The following DAAM1 variants were observed in gnomAD, a reference collection of about 807,000 sequenced individuals.
DAAM1 encodes the protein disheveled-associated activator of morphogenesis 1.
DAAM1 carries 52 observed loss-of-function variants against 130.0 expected under a neutral mutation model. That is an observed-to-expected ratio of 0.40 (90% confidence interval 0.32 to 0.50). DAAM1 has a LOEUF of 0.50. DAAM1 is among the 20% of genes least tolerant of loss of function. The probability of loss-of-function intolerance (pLI) is 0.61; values close to 1 mark genes in which losing one functional copy is unlikely to be tolerated. For missense variants in DAAM1, 1,134 were observed against 1,303.8 expected (o/e 0.87, Z 2.01); for synonymous variants, 452 against 444.5 (o/e 1.02, Z -0.21).
chr14:59,281,703 T>C (rs1883228539), intron 2 of DAAM1, among the ~76,000 whole-genome samples: 1 of 152,214 alleles, frequency 6.6e-6, no homozygotes, highest in African/African-American at 2.4e-5. Flanking sequence ...AATCAGGATC[T>C]GTTATTCATC....
At position 59,323,057 on chromosome 14, in the gene DAAM1, T is replaced by C; in HGVS notation, c.606T>C (p.Ser202=). 1 of 1,614,032 alleles carries C rather than the reference T, an allele frequency of 6.2e-7. No homozygotes were observed. The highest frequency in any genetic ancestry group is 1.3e-5 in the African/African-American group (1 of 75,012). Residue 202 remains serine (S), a synonymous_variant, in exon 6 of 25, where the codon TCT becomes TCC. Coordinates refer to ENST00000360909, the MANE Select transcript of DAAM1 (RefSeq NM_001270520.2). ...SQGRAHVLAH[S]ESINVIAQSL... ...GCCGGGCTCACGTCCTGGCTCATTCTGAGAGTATTAATGTAATTGCTCAGA... is the reference window on the plus strand; with the variant it reads ...GCCGGGCTCACGTCCTGGCTCATTCCGAGAGTATTAATGTAATTGCTCAGA...
intron 1 of DAAM1, among the ~76,000 whole-genome samples, chr14:59,196,359 A>G (rs1163484441): frequency 6.6e-6 from 1 of 152,264 alleles, no homozygotes; most frequent in Non-Finnish European, 1.5e-5. Context: ...AAGCAGGGAA[A>G]TGTTTAGACA....
chr14:59,363,677 C>G lies in DAAM1; in HGVS notation c.2721C>G (p.Pro907=), dbSNP rs1886800770. 1.2e-6 allele frequency: 2 copies of G among 1,613,906 alleles called. No individual in the cohort carries two copies. The highest frequency in any genetic ancestry group is 2.7e-5 in the African/African-American group (2 of 74,894). ...AGCTGGAATATCAGAAGTCTCAGCCCCCACAGCCCGGAGATAAGTTTGTGT... is the reference window on the plus strand; with the variant it reads ...AGCTGGAATATCAGAAGTCTCAGCCGCCACAGCCCGGAGATAAGTTTGTGT... The part of the protein sequence containing the change: ...ETELEYQKSQ[P]PQPGDKFVSV... The change falls in exon 23 of 25, where the codon CCC becomes CCG. Residue 907 remains proline, a synonymous_variant. Coordinates refer to ENST00000360909, the MANE Select transcript of DAAM1 (RefSeq NM_001270520.2).
At chr14:59,315,041 C>T (rs945649356) in intron 3 of DAAM1, among the ~76,000 whole-genome samples, 1 of 152,122 alleles carries the variant, frequency 6.6e-6, no homozygotes, top group Non-Finnish European at 1.5e-5. Flanking sequence ...GAAAATGTCC[C>T]CTTGTTATAC....
At chr14:59,210,055 T>G (rs1343144363) in intron 1 of DAAM1, among the ~76,000 whole-genome samples, 1 of 152,070 alleles carries the variant, frequency 6.6e-6, no homozygotes, top group Non-Finnish European at 1.5e-5. Flanking sequence ...GGTGGGAGGA[T>G]TGCTTGCGCC....
At chr14:59,329,628 A>G (rs1190626060) in intron 12 of DAAM1, among the ~76,000 whole-genome samples, 1 of 152,200 alleles carries the variant, frequency 6.6e-6, no homozygotes. Flanking sequence ...GGGGACATGT[A>G]TTTGAAATAA....
At chr14:59,236,147 T>C (rs1889289267) in intron 1 of DAAM1, among the ~76,000 whole-genome samples, 1 of 152,164 alleles carries the variant, frequency 6.6e-6, no homozygotes, top group Admixed American at 6.5e-5. Context: ...CTCTTTAGTA[T>C]GAAGTGTCAT....
At chr14:59,234,479 A>G (rs1223496520) in intron 1 of DAAM1, among the ~76,000 whole-genome samples, 1 of 152,138 alleles carries the variant, frequency 6.6e-6, no homozygotes, top group African/African-American at 2.4e-5. Context: ...TTGATTTTGT[A>G]TCCTGAGACT....
chr14:59,263,366 T>G, intron 1 of DAAM1, 75 bp from the exon 2 acceptor site: 92 of 1,304,562 alleles, frequency 7.1e-5, no homozygotes, highest in Middle Eastern at 1.9e-4. Context: ...AGCTCTTTCT[T>G]GAGTTGGTCT....
At chr14:59,287,627 C>A (rs1883521264) in intron 2 of DAAM1, among the ~76,000 whole-genome samples, 1 of 152,052 alleles carries the variant, frequency 6.6e-6, no homozygotes, top group African/African-American at 2.4e-5. Flanking sequence ...TTTTTATACA[C>A]CAATAACATT....
intron 21 of DAAM1, 122 bp downstream of exon 21, chr14:59,359,626 T>C (rs1283214441): frequency 1.5e-6 from 1 of 687,324 alleles, no homozygotes; most frequent in East Asian, 2.8e-5. Flanking sequence ...TTGTATGAAA[T>C]AAAGTTTGAA....
intron 1 of DAAM1, among the ~76,000 whole-genome samples, chr14:59,219,379 A>G (rs897420294): frequency 6.6e-6 from 1 of 152,130 alleles, no homozygotes; most frequent in Non-Finnish European, 1.5e-5. Context: ...CTTGTGCATA[A>G]ACCTCTGGGG....
chr14:59,352,688 G>A, intron 18 of DAAM1, 56 bp downstream of exon 18: 1 of 1,474,176 alleles, frequency 6.8e-7, no homozygotes, highest in African/African-American at 1.4e-5. Flanking sequence ...TAAGCTTCAT[G>A]AATTTTCAAT....
At chr14:59,214,102 T>G (rs948250469) in intron 1 of DAAM1, among the ~76,000 whole-genome samples, 21 of 152,260 alleles carry the variant, frequency 1.4e-4, no homozygotes, top group African/African-American at 4.6e-4. Context: ...AAGTTCACTG[T>G]GATTCCGAGG....
chr14:59,331,082 C>G, intron 13 of DAAM1, 127 bp from the exon 14 acceptor site: 1 of 1,468,662 alleles, frequency 6.8e-7, no homozygotes, highest in Non-Finnish European at 9.1e-7. Flanking sequence ...TTTACCGATC[C>G]TTTAAACATT....
intron 3 of DAAM1, among the ~76,000 whole-genome samples, chr14:59,296,798 G>T (rs559349225): frequency 1.3e-5 from 2 of 152,264 alleles, no homozygotes; most frequent in East Asian, 3.9e-4. Context: ...TTTTGTTTCT[G>T]TCCCTTTTGC....
chr14:59,285,246 A>G (rs1243646182), intron 2 of DAAM1, among the ~76,000 whole-genome samples: 5 of 152,208 alleles, frequency 3.3e-5, no homozygotes, highest in African/African-American at 1.2e-4. Context: ...AATCGTTTTC[A>G]GACAAGCAAA....
intron 2 of DAAM1, among the ~76,000 whole-genome samples, chr14:59,273,446 A>G (rs79869391): frequency 0.065 from 9,970 of 152,302 alleles, 428 homozygotes; most frequent in Non-Finnish European, 0.098. Context: ...TAGAAATACT[A>G]TACTATAAAA....
chr14:59,316,524 G>C (rs1017111974), intron 4 of DAAM1, among the ~76,000 whole-genome samples: 2 of 152,010 alleles, frequency 1.3e-5, no homozygotes, highest in African/African-American at 2.4e-5. Flanking sequence ...TTTCCCCAAG[G>C]GTTTCTAGTC....
Sources: allele counts gnomAD v4.1 joint callset (sites outside exome capture counted in the v4.1 genomes callset), GRCh38; gene constraint gnomAD v4.1.1; transcripts MANE v1.5; gene names NCBI Gene and HGNC (gene_info 2026-07-23, HGNC 2026-07-21).